BORCS5: variants seen among roughly 807,000 people sequenced by gnomAD.
The protein encoded by BORCS5 is BLOC-1-related complex subunit 5.
BORCS5 carries 17 observed loss-of-function variants against 22.1 expected under a neutral mutation model. That is an observed-to-expected ratio of 0.77 (90% confidence interval 0.53 to 1.15). BORCS5 has a LOEUF of 1.15. BORCS5 is among the 50% of genes most tolerant of loss of function. The probability of loss-of-function intolerance (pLI) is 0.00; values close to 1 mark genes in which losing one functional copy is unlikely to be tolerated. For missense variants in BORCS5, 247 were observed against 253.2 expected (o/e 0.98, Z 0.17); for synonymous variants, 117 against 99.8 (o/e 1.17, Z -1.03).
intron 2 of BORCS5, among the ~76,000 whole-genome samples, chr12:12,411,403 G>A (rs371074821): frequency 1.1e-4 from 16 of 151,922 alleles, no homozygotes; most frequent in African/African-American, 2.9e-4. Context: ...GAGAAATGTC[G>A]GTTCAAGTCC....
At chr12:12,380,731 A>G (rs964041487) in intron 2 of BORCS5, among the ~76,000 whole-genome samples, 7 of 151,362 alleles carry the variant, frequency 4.6e-5, no homozygotes, top group African/African-American at 1.7e-4. Flanking sequence ...CCTTCCAGCA[A>G]TGTATGAGAA....
At chr12:12,405,060 T>A (rs1389044862) in intron 2 of BORCS5, among the ~76,000 whole-genome samples, 1 of 152,160 alleles carries the variant, frequency 6.6e-6, no homozygotes, top group Admixed American at 6.5e-5. Context: ...TTAAGGACCT[T>A]ACTGAGTAAC....
At chr12:12,387,745 A>G (rs1000271751) in intron 2 of BORCS5, among the ~76,000 whole-genome samples, 1 of 151,486 alleles carries the variant, frequency 6.6e-6, no homozygotes, top group Non-Finnish European at 1.5e-5. Flanking sequence ...ATGTGCTGAC[A>G]TTAAGCCACA....
At chr12:12,386,978 C>G (rs1043081241) in intron 2 of BORCS5, among the ~76,000 whole-genome samples, 3 of 151,344 alleles carry the variant, frequency 2.0e-5, no homozygotes, top group East Asian at 3.9e-4. Flanking sequence ...ATCCTCTAGC[C>G]TCAGCCTCCT....
chr12:12,441,192 C>CATTTGTT (rs1480740976), intron 3 of BORCS5, among the ~76,000 whole-genome samples: 6 of 152,152 alleles, frequency 3.9e-5, no homozygotes, highest in African/African-American at 1.4e-4. Context: ...AGAGGGAGGT[C>CATTTGTT]ATTTGTTGAG....
Position 12,465,718 on chromosome 12 carries a change from C to A in BORCS5, c.533C>A (p.Pro178His), listed in dbSNP as rs908530414. The part of the protein sequence containing the change: ...PLLDRLNSML[P>H]EGERLEPFSM... ...CTGGACAGGCTCAACAGCATGCTGCCCGAGGGCGAGCGGCTGGAGCCCTTC... is the reference window on the plus strand; with the variant it reads ...CTGGACAGGCTCAACAGCATGCTGCACGAGGGCGAGCGGCTGGAGCCCTTC... Residue 178 changes from proline (P) to histidine (H), a missense_variant, in exon 4 of 4, where the codon CCC becomes CAC. Physicochemically the swap from Pro to His is moderately conservative, Grantham distance 77. Transcript: ENST00000314565. 59 of 1,614,066 alleles carry A rather than the reference C, an allele frequency of 3.7e-5. No individual in the cohort carries two copies. Among genetic ancestry groups the A allele is most frequent in the Non-Finnish European group, 4.6e-5 (54 of 1,180,062 alleles).
chr12:12,386,022 A>G (rs1375265572), intron 2 of BORCS5, among the ~76,000 whole-genome samples: 1 of 146,564 alleles, frequency 6.8e-6, no homozygotes, highest in African/African-American at 2.5e-5. Context: ...TTTTTTGGAG[A>G]TGGAGTCTCA....
chr12:12,379,225 A>G (rs1195599872), intron 2 of BORCS5, among the ~76,000 whole-genome samples: 1 of 148,928 alleles, frequency 6.7e-6, no homozygotes, highest in Admixed American at 6.7e-5. Context: ...GGTTCAAGTG[A>G]TTCTCTTGCC....
At chr12:12,433,291 C>T (rs937805915) in intron 2 of BORCS5, among the ~76,000 whole-genome samples, 1 of 140,090 alleles carries the variant, frequency 7.1e-6, no homozygotes, top group Non-Finnish European at 1.5e-5. Flanking sequence ...CCACTGTGCT[C>T]CAGCCTGGAA....
chr12:12,371,253 A>G (rs1475881619), intron 2 of BORCS5, among the ~76,000 whole-genome samples: 1 of 152,152 alleles, frequency 6.6e-6, no homozygotes, highest in Admixed American at 6.5e-5. Context: ...TAGGGAATCC[A>G]TAGATACACA....
chr12:12,448,537 T>G (rs981602923), intron 3 of BORCS5, among the ~76,000 whole-genome samples: 1 of 151,478 alleles, frequency 6.6e-6, no homozygotes. Context: ...CTTTTTTTTT[T>G]TTTTCTTTTT....
intron 2 of BORCS5, among the ~76,000 whole-genome samples, chr12:12,429,815 A>C (rs917565517): frequency 6.6e-6 from 1 of 152,042 alleles, no homozygotes; most frequent in African/African-American, 2.4e-5. Context: ...GCCTTCCTCC[A>C]CTTCATTCTG....
intron 2 of BORCS5, among the ~76,000 whole-genome samples, chr12:12,425,510 TGTTA>T (rs1045334470): frequency 1.3e-5 from 2 of 152,214 alleles, no homozygotes; most frequent in African/African-American, 4.8e-5. Flanking sequence ...TGCCAACACT[TGTTA>T]TTTTCCATTG....
intron 1 of BORCS5, among the ~76,000 whole-genome samples, chr12:12,360,035 T>C (rs1360118962): frequency 6.6e-6 from 1 of 151,650 alleles, no homozygotes; most frequent in Non-Finnish European, 1.5e-5. Flanking sequence ...AAAAAGAAAA[T>C]ATTTAGTTAT....
At chr12:12,458,736 G>T (rs887457733) in intron 3 of BORCS5, among the ~76,000 whole-genome samples, 2 of 151,668 alleles carry the variant, frequency 1.3e-5, no homozygotes, top group Non-Finnish European at 2.9e-5. Context: ...ACTTTGGGAG[G>T]CCGAGGCAGG....
intron 2 of BORCS5, among the ~76,000 whole-genome samples, chr12:12,367,905 A>G (rs1378617532): frequency 6.6e-6 from 1 of 152,148 alleles, no homozygotes; most frequent in African/African-American, 2.4e-5. Flanking sequence ...CCTCTTGTTC[A>G]GATATACAGC....
chr12:12,448,731 G>A (rs1417511935), intron 3 of BORCS5, among the ~76,000 whole-genome samples: 1 of 151,238 alleles, frequency 6.6e-6, no homozygotes, highest in Non-Finnish European at 1.5e-5. Context: ...GTTTCACCAT[G>A]TTGGCCAGGC....
rs1240664589 is a variant in BORCS5 at position 12,360,313 on chromosome 12, G to C, written c.59-893G>C. ...GGAGGCGGAGGTTGCAGTGAGCCGA[G>C]ATTGCACCACTGTACTCCAACCTGG... On this transcript the variant is annotated intron_variant, in intron 1 of 3. Coordinates refer to ENST00000314565, the MANE Select transcript of BORCS5 (RefSeq NM_058169.6). Among the ~76,000 whole-genome samples the C allele has an allele frequency of 2.0e-4, 30 of 152,314 alleles. No homozygotes were observed. In the East Asian group the frequency reaches 5.6e-3, roughly 28 times the overall value.
intron 2 of BORCS5, 71 bp from the exon 3 acceptor site, chr12:12,435,557 T>G (rs768945853): frequency 9.8e-6 from 13 of 1,328,940 alleles, no homozygotes; most frequent in Non-Finnish European, 1.3e-5. Flanking sequence ...TCAGTGAACT[T>G]GTTAAACTAC....
Sources: gnomAD v4.1 joint callset for allele counts (sites outside exome capture counted in the v4.1 genomes callset) on GRCh38, gnomAD v4.1.1 for gene constraint, MANE v1.5 for transcripts, NCBI Gene and HGNC (gene_info 2026-07-23, HGNC 2026-07-21) for gene names.